Variants in PPP2R3A observed in about 807,000 individuals in gnomAD.
PPP2R3A encodes the protein protein phosphatase 2 regulatory subunit B''alpha.
Under a neutral mutation model 106.9 loss-of-function variants are expected in PPP2R3A, and 80 were observed. That is an observed-to-expected ratio of 0.75 (90% CI 0.62 to 0.90). PPP2R3A has a LOEUF of 0.90. Ranked by LOEUF, PPP2R3A falls within the 40% of genes least tolerant of loss-of-function variation. PPP2R3A has a pLI of 0.00. For synonymous variants in PPP2R3A, 483 were observed against 468.3 expected (o/e 1.03, Z -0.41); for missense variants, 1,386 against 1,350.4 (o/e 1.03, Z -0.41).
intron 2 of PPP2R3A, among the ~76,000 whole-genome samples, chr3:136,026,601 A>AT (rs1055067142): frequency 6.6e-6 from 1 of 152,068 alleles, no homozygotes; most frequent in East Asian, 1.9e-4. Context: ...AAACCTATGT[A>AT]TTTTTTTAAA....
intron 4 of PPP2R3A, 128 bp from the exon 5 acceptor site, chr3:136,049,131 A>T (rs1935582872): frequency 3.0e-6 from 2 of 670,694 alleles, no homozygotes; most frequent in Admixed American, 2.8e-5. Flanking sequence ...TCCTTTGATT[A>T]TGTAAATTCC....
intron 5 of PPP2R3A, among the ~76,000 whole-genome samples, chr3:136,051,815 C>T (rs532670101): frequency 3.9e-5 from 6 of 152,330 alleles, no homozygotes; most frequent in African/African-American, 1.4e-4. Flanking sequence ...TGCCACCCAA[C>T]AATAACCACT....
At chr3:136,047,872 T>C (rs1184205096) in intron 4 of PPP2R3A, among the ~76,000 whole-genome samples, 4 of 150,240 alleles carry the variant, frequency 2.7e-5, no homozygotes, top group Admixed American at 1.3e-4. Context: ...GCCACTGCAC[T>C]CCAGCGTAGG....
chr3:135,966,344 C>T (rs1307602925), intron 1 of PPP2R3A, among the ~76,000 whole-genome samples: 29 of 152,202 alleles, frequency 1.9e-4, no homozygotes, highest in Non-Finnish European at 7.3e-5. Context: ...CCGACTTGGC[C>T]AAAGAAGGAT....
At chr3:136,061,529 G>C (rs1327702624) in intron 5 of PPP2R3A, among the ~76,000 whole-genome samples, 2 of 152,166 alleles carry the variant, frequency 1.3e-5, no homozygotes, top group African/African-American at 4.8e-5. Context: ...TCGGGAGGCT[G>C]AGGCAGAAGA....
rs1256408766 is a variant in PPP2R3A at position 136,047,049 on chromosome 3, G to A, written c.2367-2210G>A. On this transcript the variant is annotated intron_variant, in intron 4 of 13. Transcript: ENST00000264977. ...AATGCAGGCAGACAAAAATAAAAAA[G>A]AATTTTAAAAAATGAAAACTCTCAG... Among the ~76,000 whole-genome samples, 3 of 152,100 alleles carry A rather than the reference G, an allele frequency of 2.0e-5. No homozygotes were observed. In the South Asian group the frequency reaches 6.2e-4, roughly 32 times the overall value.
At chr3:135,988,920 C>T (rs1002052609) in intron 1 of PPP2R3A, among the ~76,000 whole-genome samples, 2 of 152,128 alleles carry the variant, frequency 1.3e-5, no homozygotes, top group African/African-American at 4.8e-5. Context: ...TTGATTATCT[C>T]ACCATTAGTG....
In PPP2R3A at chr3:136,019,476, G is replaced by A. The variant is rs559700289; in HGVS notation, c.1996-7356G>A. Among the ~76,000 whole-genome samples, 89 of 152,220 alleles carry A rather than the reference G, an allele frequency of 5.8e-4. 1 individual carries two copies. Among genetic ancestry groups the A allele is most frequent in the African/African-American group, 1.4e-3 (60 of 41,524 alleles). ...GATTGTACATTCCCTTGTCATCAAA[G>A]CAGAGAGAGAAGAGAGTAGATCACA... is the stretch of plus-strand genomic sequence containing the variant. On this transcript the variant is annotated intron_variant, in intron 2 of 13. Transcript: ENST00000264977.
In PPP2R3A at chr3:136,145,116, G is replaced by A; in HGVS notation, c.3403G>A (p.Ala1135Thr). 2 of 1,613,816 alleles carry A rather than the reference G, an allele frequency of 1.2e-6. No homozygotes were observed. The highest frequency in any genetic ancestry group is 2.2e-5 in the East Asian group (1 of 44,856). Residue 1135 changes from alanine to threonine, a missense_variant, in exon 14 of 14, where the codon GCA becomes ACA. Physicochemically the swap from Ala to Thr is moderately conservative, Grantham distance 58. Coordinates refer to ENST00000264977, the MANE Select transcript of PPP2R3A (RefSeq NM_002718.5). ...AAACAAAAGCAATAAAATATTAAGT[G>A]CAAGCCTTCCAGAGAAATGTGGAAA... ...FGNKSNKILSASLPEKCGKLQ... is the reference protein window; with the variant it reads ...FGNKSNKILSTSLPEKCGKLQ...
chr3:136,061,532 G>A (rs1389329379), intron 5 of PPP2R3A, among the ~76,000 whole-genome samples: 1 of 152,110 alleles, frequency 6.6e-6, no homozygotes, highest in East Asian at 1.9e-4. Flanking sequence ...GGAGGCTGAG[G>A]CAGAAGAATT....
chr3:136,130,404 TC>T (rs1445169220), intron 13 of PPP2R3A, among the ~76,000 whole-genome samples: 1 of 152,200 alleles, frequency 6.6e-6, no homozygotes, highest in Non-Finnish European at 1.5e-5. Context: ...GAACTCCCAT[TC>T]ACCATTGCTA....
At chr3:136,137,308 A>G (rs749396808) in intron 13 of PPP2R3A, among the ~76,000 whole-genome samples, 9 of 152,272 alleles carry the variant, frequency 5.9e-5, no homozygotes, top group East Asian at 1.9e-4. Context: ...TCTTGGTTCA[A>G]TGATCCAGGG....
intron 12 of PPP2R3A, among the ~76,000 whole-genome samples, chr3:136,105,851 T>G (rs183221416): frequency 6.6e-6 from 1 of 152,018 alleles, no homozygotes; most frequent in Non-Finnish European, 1.5e-5. Context: ...TCCCAGCTAC[T>G]TGGGAGGCTG....
chr3:136,053,388 C>T (rs1311623602), intron 5 of PPP2R3A, among the ~76,000 whole-genome samples: 1 of 151,550 alleles, frequency 6.6e-6, no homozygotes, highest in Admixed American at 6.6e-5. Flanking sequence ...AATAAGTGAC[C>T]AGAAGTAGGC....
chr3:136,001,468 C>G lies in PPP2R3A; in HGVS notation c.-31C>G. ...TTCATGAAACAAGTTCTAGAAAGTT[C>G]CAAGTCCCACCAGTAAGTGGATTTG... On this transcript the variant is annotated 5_prime_UTR_variant, in exon 2 of 14. Transcript: ENST00000264977. 6.4e-7 allele frequency: 1 copy of G among 1,572,474 alleles called. No individual in the cohort carries two copies. Among genetic ancestry groups the G allele is most frequent in the South Asian group, 1.2e-5 (1 of 86,052 alleles).
At chr3:136,143,940 TTG>T (rs1484318097) in intron 13 of PPP2R3A, among the ~76,000 whole-genome samples, 1 of 152,230 alleles carries the variant, frequency 6.6e-6, no homozygotes, top group Non-Finnish European at 1.5e-5. Context: ...TGCTTAAATA[TTG>T]TGGGAGATCC....
chr3:136,076,229 C>T (rs976049965), intron 6 of PPP2R3A, among the ~76,000 whole-genome samples: 5 of 152,224 alleles, frequency 3.3e-5, no homozygotes. Context: ...TTCTGTCTAG[C>T]AGTTGTAATT....
At position 136,141,152 on chromosome 3, in the gene PPP2R3A, G is replaced by A. The variant is rs186199308; in HGVS notation, c.3330-3891G>A. On this transcript the variant is annotated intron_variant, in intron 13 of 13. Transcript: ENST00000264977. Reference sequence around the variant, plus strand: ...CAGATTTAATTATGTAAATATGAAGGAGACAAATAAATAAGATGAACCAGT... The same window carrying A: ...CAGATTTAATTATGTAAATATGAAGAAGACAAATAAATAAGATGAACCAGT... 2.0e-5 allele frequency among the ~76,000 whole-genome samples: 3 copies of A among 152,294 alleles called. No homozygotes were observed. In the East Asian group the frequency reaches 5.8e-4, roughly 29 times the overall value.
At chr3:136,005,387 C>A (rs533223439) in intron 2 of PPP2R3A, among the ~76,000 whole-genome samples, 1 of 152,204 alleles carries the variant, frequency 6.6e-6, no homozygotes, top group Non-Finnish European at 1.5e-5. Context: ...GGCTGCTATT[C>A]TTCTGTGGAC....
Sources: allele counts gnomAD v4.1 joint callset (sites outside exome capture counted in the v4.1 genomes callset), GRCh38; gene constraint gnomAD v4.1.1; transcripts MANE v1.5; gene names NCBI Gene and HGNC (gene_info 2026-07-23, HGNC 2026-07-21).